Variants in ANK3 observed in about 807,000 individuals in gnomAD.
The protein encoded by ANK3 is ankyrin-3.
Under a neutral mutation model 370.9 loss-of-function variants are expected in ANK3, and 57 were observed. The observed-to-expected ratio is 0.15, with a 90% CI of 0.12 to 0.19. ANK3 has a LOEUF of 0.19. Ranked by LOEUF, ANK3 falls within the 10% of genes least tolerant of loss-of-function variation. The pLI, the probability that ANK3 is intolerant of heterozygous loss-of-function variation, is 1.00. For synonymous variants in ANK3, 1,929 were observed against 1,946.3 expected, an observed-to-expected ratio of 0.99 and a Z score of 0.23; for missense variants, 4,439 against 5,302.1, an observed-to-expected ratio of 0.84 and a Z score of 5.06.
Position 60,395,324 on chromosome 10 carries a change from CAT to C in ANK3, c.97-115687_97-115686del, listed in dbSNP as rs568541201. On this transcript the variant is annotated intron_variant, in intron 2 of 43. Transcript: ENST00000373827. ...TTGGGATGTGTTCAGTTAAATAAAA[CAT>C]ATTATTAAATTAATTTCACTTTCTT... is the stretch of plus-strand genomic sequence containing the variant. 3.5e-3 allele frequency among the ~76,000 whole-genome samples: 526 copies of C among 152,274 alleles called. 3 individuals are homozygous for C. The highest frequency in any genetic ancestry group is 0.012 in the African/African-American group (499 of 41,552).
At chr10:60,066,020 T>C (rs1422761463) in intron 38 of ANK3, among the ~76,000 whole-genome samples, 1 of 152,208 alleles carries the variant, frequency 6.6e-6, no homozygotes, top group African/African-American at 2.4e-5. Context: ...CATAAGATGT[T>C]AATAGTGGTT....
chr10:60,688,691 G>A (rs528022756), intron 1 of ANK3, among the ~76,000 whole-genome samples: 56 of 152,324 alleles, frequency 3.7e-4, no homozygotes, highest in African/African-American at 1.3e-3. Flanking sequence ...GCACATGCCT[G>A]TAATCCCAGC....
chr10:60,369,197 T>C (rs1205712852), intron 1 of ANK3, among the ~76,000 whole-genome samples: 1 of 152,166 alleles, frequency 6.6e-6, no homozygotes, highest in East Asian at 1.9e-4. Context: ...AATAAGCAAA[T>C]AAAATGAACA....
At chr10:60,303,626 G>T (rs997955540) in intron 1 of ANK3, among the ~76,000 whole-genome samples, 11 of 152,062 alleles carry the variant, frequency 7.2e-5, no homozygotes, top group African/African-American at 2.4e-4. Context: ...GAGAACCCTG[G>T]TACACTGTTG....
At chr10:60,533,074 G>A (rs539608694) in intron 2 of ANK3, among the ~76,000 whole-genome samples, 4 of 152,226 alleles carry the variant, frequency 2.6e-5, no homozygotes, top group Non-Finnish European at 4.4e-5. Flanking sequence ...ACTTGATCCC[G>A]GGACTCTAAA....
chr10:60,538,440 T>G (rs1480056509), intron 2 of ANK3, among the ~76,000 whole-genome samples: 2 of 151,890 alleles, frequency 1.3e-5, no homozygotes, highest in African/African-American at 4.8e-5. Context: ...TCTTATTAAT[T>G]CTCTCTGCCT....
At chr10:60,580,138 A>G (rs1192856005) in intron 2 of ANK3, among the ~76,000 whole-genome samples, 1 of 152,204 alleles carries the variant, frequency 6.6e-6, no homozygotes, top group African/African-American at 2.4e-5. Flanking sequence ...CACATTCTTC[A>G]TATTCACTAA....
At chr10:60,654,955 A>T (rs2078843497) in intron 1 of ANK3, among the ~76,000 whole-genome samples, 1 of 152,148 alleles carries the variant, frequency 6.6e-6, no homozygotes, top group South Asian at 2.1e-4. Context: ...GGGAGCTGAA[A>T]AACTCCTATA....
chr10:60,546,358 A>C (rs1358118118), intron 2 of ANK3, among the ~76,000 whole-genome samples: 3 of 152,186 alleles, frequency 2.0e-5, no homozygotes, highest in African/African-American at 7.2e-5. Context: ...TTATAATTAC[A>C]AGGTACTTCC....
intron 2 of ANK3, among the ~76,000 whole-genome samples, chr10:60,474,723 A>T (rs1359014005): frequency 6.6e-6 from 1 of 152,170 alleles, no homozygotes; most frequent in Non-Finnish European, 1.5e-5. Flanking sequence ...TTAAAACCTA[A>T]TTATTACATA....
At chr10:60,172,247 C>G in intron 21 of ANK3, 61 bp downstream of exon 21, 2 of 1,348,142 alleles carry the variant, frequency 1.5e-6, no homozygotes, top group Non-Finnish European at 2.1e-6. Context: ...CTCAGAAAAA[C>G]CCAAGAAAAC....
chr10:60,228,754 A>T (rs938187755), intron 8 of ANK3, among the ~76,000 whole-genome samples: 1 of 152,178 alleles, frequency 6.6e-6, no homozygotes, highest in African/African-American at 2.4e-5. Context: ...ATTTAAAAAA[A>T]AATTAGATGT....
At position 60,210,346 on chromosome 10, in the gene ANK3, G is replaced by A. The variant is rs184105548; in HGVS notation, c.997-2113C>T. The stretch of plus-strand genomic sequence containing the variant: ...TGGGAGGGGTAAATCGTGAGAAAAC[G>A]CCTGTCTATGAGGAAGACATTTGAG... On this transcript the variant is annotated intron_variant, in intron 9 of 43. Coordinates refer to ENST00000280772, the MANE Select transcript of ANK3 (RefSeq NM_020987.5). Among the ~76,000 whole-genome samples, 51 of 152,196 alleles carry A rather than the reference G, an allele frequency of 3.4e-4. No homozygotes were observed. In the Middle Eastern group the frequency reaches 0.01, roughly 30 times the overall value.
At chr10:60,310,505 T>C (rs1021030414) in intron 1 of ANK3, among the ~76,000 whole-genome samples, 1 of 152,190 alleles carries the variant, frequency 6.6e-6, no homozygotes, top group African/African-American at 2.4e-5. Context: ...AAATTATGCA[T>C]GATTTGAATA....
intron 24 of ANK3, among the ~76,000 whole-genome samples, chr10:60,135,718 T>C (rs1268302956): frequency 6.6e-6 from 1 of 152,232 alleles, no homozygotes. Context: ...AAGAGGTAAA[T>C]AAATGATTCT....
intron 23 of ANK3, chr10:60,140,960 G>A (rs768727289): frequency 3.0e-6 from 3 of 985,436 alleles, no homozygotes; most frequent in Non-Finnish European, 3.6e-6. Context: ...ACAAAGCAGT[G>A]GCCCAGGCGG....
chr10:60,252,295 G>A (rs899147902), intron 7 of ANK3, among the ~76,000 whole-genome samples: 2 of 152,194 alleles, frequency 1.3e-5, no homozygotes, highest in African/African-American at 2.4e-5. Flanking sequence ...ATTCATCTGA[G>A]CAGATCCAAA....
rs761632191 is a variant in ANK3 at position 60,172,954 on chromosome 10, C to T, written c.2328G>A (p.Thr776=). ...TCTGAAGTAAGACATTTATTATATG[C>T]GTATGCCCCTGCTGTGCTGCTTGAT... ...PLHQAAQQGH[T]HIINVLLQNN... The change falls in exon 20 of 44, where the codon ACG becomes ACA. Residue 776 remains threonine (T), a synonymous_variant. Transcript: ENST00000280772. 108 of 1,613,850 alleles carry T rather than the reference C, an allele frequency of 6.7e-5. No individual in the cohort carries two copies. The highest frequency in any genetic ancestry group is 8.9e-5 in the East Asian group (4 of 44,844).
chr10:60,258,352 T>C (rs187736647), intron 7 of ANK3, among the ~76,000 whole-genome samples: 5 of 152,348 alleles, frequency 3.3e-5, no homozygotes, highest in African/African-American at 4.8e-5. Flanking sequence ...AAAGGAAATA[T>C]TGACGATGTC....
Sources: gnomAD v4.1 joint callset for allele counts (sites outside exome capture counted in the v4.1 genomes callset) on GRCh38, gnomAD v4.1.1 for gene constraint, MANE v1.5 for transcripts, NCBI Gene and HGNC (gene_info 2026-07-23, HGNC 2026-07-21) for gene names.